NRXN1: variants seen among roughly 807,000 people sequenced by gnomAD.
The protein encoded by NRXN1 is neurexin 1.
Under a neutral mutation model 150.9 loss-of-function variants are expected in NRXN1, and 39 were observed. That is an observed-to-expected ratio of 0.26 (90% confidence interval 0.20 to 0.34). The LOEUF (loss-of-function observed/expected upper bound fraction) is 0.34, where lower values mean the gene tolerates loss of function less well. NRXN1 is among the 10% of genes least tolerant of loss of function. The probability of loss-of-function intolerance (pLI) is 1.00; values close to 1 mark genes in which losing one functional copy is unlikely to be tolerated. For missense variants in NRXN1, 1,815 were observed against 1,949.9 expected (o/e 0.93, Z 1.30); for synonymous variants, 924 against 757.0 (o/e 1.22, Z -3.62).
chr2:50,852,817 T>C (rs1017828214), intron 5 of NRXN1, among the ~76,000 whole-genome samples: 2 of 152,090 alleles, frequency 1.3e-5, no homozygotes, highest in African/African-American at 4.8e-5. Context: ...TTTAAGAAAA[T>C]GTTCATCTGA....
chr2:50,835,210 CA>C (rs1235880873), intron 5 of NRXN1, among the ~76,000 whole-genome samples: 1 of 152,068 alleles, frequency 6.6e-6, no homozygotes, highest in Non-Finnish European at 1.5e-5. Flanking sequence ...AGTCACCTTT[CA>C]GATTGTCTCC....
At chr2:50,237,077 C>T in intron 17 of NRXN1, 107 bp from the exon 18 acceptor site, 4 of 1,092,864 alleles carry the variant, frequency 3.7e-6, no homozygotes, top group Non-Finnish European at 5.5e-6. Flanking sequence ...ACACACAAAA[C>T]TATGGCAAAG....
At chr2:50,831,644 A>C (rs1232536913) in intron 5 of NRXN1, among the ~76,000 whole-genome samples, 1 of 152,234 alleles carries the variant, frequency 6.6e-6, no homozygotes, top group Non-Finnish European at 1.5e-5. Flanking sequence ...GTTTGAAAAC[A>C]ATTTTAAAAC....
chr2:50,774,646 A>G (rs1012556954), intron 5 of NRXN1, among the ~76,000 whole-genome samples: 1 of 152,138 alleles, frequency 6.6e-6, no homozygotes, highest in Non-Finnish European at 1.5e-5. Context: ...TTTAATATGT[A>G]TTTCATGACA....
chr2:50,152,929 C>G (rs1466516689), intron 18 of NRXN1, among the ~76,000 whole-genome samples: 1 of 151,544 alleles, frequency 6.6e-6, no homozygotes, highest in East Asian at 1.9e-4. Context: ...TCCTTCTCTT[C>G]TCCCTCTGAG....
chr2:51,028,512 A>G lies in NRXN1; in HGVS notation c.-239T>C, dbSNP rs930713971. The G allele has an allele frequency of 2.5e-6, 1 of 404,734 alleles. No homozygotes were observed. Among genetic ancestry groups the G allele is most frequent in the Non-Finnish European group, 4.4e-6 (1 of 228,734 alleles). The allele number at this position is 404,734 out of a possible 1,614,324, so 25.1% of individuals were successfully genotyped here. A position where few individuals can be genotyped will look rare whatever the true frequency, so the allele number is the denominator to read the frequency against. On this transcript the variant is annotated 5_prime_UTR_variant, in exon 2 of 23. Transcript: ENST00000401669. The stretch of plus-strand genomic sequence containing the variant: ...AACGTTGACCCCAGTGGTACAGGGT[A>G]GCCACAGAACTTCCAGACCAAAGGG...
chr2:50,597,450 A>G (rs1308878553), intron 8 of NRXN1, among the ~76,000 whole-genome samples: 1 of 152,074 alleles, frequency 6.6e-6, no homozygotes, highest in Non-Finnish European at 1.5e-5. Context: ...CTACCCTGGG[A>G]TACATTCCTT....
At chr2:50,482,034 C>T (rs944979158) in intron 15 of NRXN1, among the ~76,000 whole-genome samples, 2 of 137,342 alleles carry the variant, frequency 1.5e-5, no homozygotes, top group Admixed American at 6.8e-5. Context: ...TCCCAAAGTG[C>T]TGGGATTACA....
rs1415626051 is a variant in NRXN1 at position 49,969,545 on chromosome 2, T to TC, written c.4129-25755_4129-25754insG. Reference sequence around the variant, plus strand: ...GTTTTATATATGTAATTACACCTTATTATAAATACATTTTATTACATATAT... The same window carrying TC: ...GTTTTATATATGTAATTACACCTTATCTATAAATACATTTTATTACATATAT... On this transcript the variant is annotated intron_variant, in intron 21 of 22. Transcript: ENST00000401669. The TC allele has an allele frequency of 7.2e-5, 9 of 125,484 alleles. No individual in the cohort carries two copies. In the East Asian group the frequency reaches 2.3e-3, roughly 32 times the overall value. The allele number at this position is 125,484 out of a possible 1,614,324, so 7.8% of individuals were successfully genotyped here.
intron 8 of NRXN1, among the ~76,000 whole-genome samples, chr2:50,592,067 C>T (rs554137804): frequency 6.6e-6 from 1 of 152,302 alleles, no homozygotes; most frequent in East Asian, 1.9e-4. Flanking sequence ...GCTTGGTGAT[C>T]ACCTACTGTG....
chr2:50,828,719 G>T (rs1403545485), intron 5 of NRXN1, among the ~76,000 whole-genome samples: 3 of 151,832 alleles, frequency 2.0e-5, no homozygotes, highest in Non-Finnish European at 4.4e-5. Context: ...ATGGCGGCCG[G>T]GCAGAGACCC....
chr2:50,816,257 G>A (rs1333597865), intron 5 of NRXN1, among the ~76,000 whole-genome samples: 1 of 151,990 alleles, frequency 6.6e-6, no homozygotes, highest in Non-Finnish European at 1.5e-5. Context: ...GGAGGGTGAT[G>A]TTAAATCTTC....
chr2:50,600,000 T>C (rs4971684), intron 8 of NRXN1, among the ~76,000 whole-genome samples: 3,087 of 152,172 alleles, frequency 0.02, 99 homozygotes, highest in East Asian at 0.13. Flanking sequence ...TAGAAATTAA[T>C]TATATATTAA....
intron 5 of NRXN1, among the ~76,000 whole-genome samples, chr2:50,687,039 C>T (rs1348731306): frequency 2.0e-5 from 3 of 152,130 alleles, no homozygotes; most frequent in African/African-American, 2.4e-5. Flanking sequence ...AAGTGCTTAG[C>T]GTCAAATTGA....
intron 17 of NRXN1, among the ~76,000 whole-genome samples, chr2:50,291,262 A>T (rs1477411286): frequency 2.0e-5 from 3 of 152,108 alleles, no homozygotes; most frequent in African/African-American, 7.2e-5. Flanking sequence ...TCCCAGATGC[A>T]TGCATCTATT....
At position 50,232,961 on chromosome 2, in the gene NRXN1, G is replaced by T. The variant is rs181945269; in HGVS notation, c.3546+3828C>A. Among the ~76,000 whole-genome samples, 32 of 152,060 alleles carry T rather than the reference G, an allele frequency of 2.1e-4. No homozygotes were observed. In the East Asian group the frequency reaches 5.8e-3, roughly 28 times the overall value. On this transcript the variant is annotated intron_variant, in intron 18 of 22. Coordinates refer to ENST00000401669, the MANE Select transcript of NRXN1 (RefSeq NM_001330078.2). Reference sequence around the variant, plus strand: ...AAGATTTGAAGCTTCTCAATAATATGGCTGCTTATATCAAGTTCTATACTT... The same window carrying T: ...AAGATTTGAAGCTTCTCAATAATATTGCTGCTTATATCAAGTTCTATACTT...
At chr2:50,562,442 T>C (rs1014745799) in intron 8 of NRXN1, among the ~76,000 whole-genome samples, 3 of 152,142 alleles carry the variant, frequency 2.0e-5, no homozygotes, top group African/African-American at 4.8e-5. Context: ...CAATGTTCAC[T>C]ATTTTAATAT....
chr2:50,784,665 G>C (rs774591347), intron 5 of NRXN1, among the ~76,000 whole-genome samples: 1 of 152,066 alleles, frequency 6.6e-6, no homozygotes, highest in Non-Finnish European at 1.5e-5. Context: ...AAGGCTTTAT[G>C]GCTAAGTGTG....
intron 17 of NRXN1, among the ~76,000 whole-genome samples, chr2:50,259,051 A>C (rs2067993377): frequency 6.6e-6 from 1 of 151,974 alleles, no homozygotes; most frequent in Non-Finnish European, 1.5e-5. Flanking sequence ...GGATTTTTAG[A>C]ATGGTTAATA....
Sources: allele counts gnomAD v4.1 joint callset (sites outside exome capture counted in the v4.1 genomes callset), GRCh38; gene constraint gnomAD v4.1.1; transcripts MANE v1.5; gene names NCBI Gene and HGNC (gene_info 2026-07-23, HGNC 2026-07-21).